The following GLIS3 variants were observed in gnomAD, a reference collection of about 807,000 sequenced individuals.
GLIS3 encodes the protein zinc finger protein GLIS3.
GLIS3 carries 53 observed loss-of-function variants against 78.6 expected under a neutral mutation model. The observed-to-expected ratio is 0.67, with a 90% CI of 0.54 to 0.85. The LOEUF (loss-of-function observed/expected upper bound fraction) is 0.85. Among genes scored for constraint, GLIS3 ranks in the 40% least tolerant of loss-of-function variants. The pLI, the probability that GLIS3 is intolerant of heterozygous loss-of-function variation, is 0.00. For missense variants in GLIS3, 1,703 were observed against 1,231.1 expected (o/e 1.38, Z -5.74); for synonymous variants, 684 against 509.9 (o/e 1.34, Z -4.60).
At chr9:4,292,189 G>A (rs924988727) in intron 1 of GLIS3, among the ~76,000 whole-genome samples, 3 of 152,132 alleles carry the variant, frequency 2.0e-5, no homozygotes, top group African/African-American at 7.2e-5. Flanking sequence ...AAACTGGATT[G>A]CAATTCATTG....
intron 8 of GLIS3, among the ~76,000 whole-genome samples, chr9:3,874,196 G>A (rs1821151240): frequency 6.6e-6 from 1 of 152,328 alleles, no homozygotes; most frequent in Non-Finnish European, 1.5e-5. Flanking sequence ...AAACTCTGAG[G>A]GAAGAGGGGC....
the GLIS3 span, among the ~76,000 whole-genome samples, chr9:4,477,717 G>C: frequency 6.6e-6 from 1 of 152,046 alleles, no homozygotes; most frequent in African/African-American, 2.4e-5. Flanking sequence ...CCTGGCTAGA[G>C]GTTAGTGTTT....
At chr9:4,368,717 C>T in the GLIS3 span, among the ~76,000 whole-genome samples, 2 of 152,182 alleles carry the variant, frequency 1.3e-5, no homozygotes, top group Non-Finnish European at 1.5e-5. Context: ...GACGAAGCCA[C>T]TTCGTGCCTC....
At chr9:4,376,415 C>G in the GLIS3 span, among the ~76,000 whole-genome samples, 1 of 137,464 alleles carries the variant, frequency 7.3e-6, no homozygotes, top group Non-Finnish European at 1.7e-5. Context: ...AAAGTAGAAT[C>G]TATATGCTCT....
At chr9:3,858,376 C>T (rs1819926271) in intron 8 of GLIS3, among the ~76,000 whole-genome samples, 2 of 151,992 alleles carry the variant, frequency 1.3e-5, no homozygotes, top group Admixed American at 6.6e-5. Flanking sequence ...CAAACCAGGG[C>T]CATGCTCTCT....
At chr9:4,076,604 A>C (rs554488914) in intron 4 of GLIS3, among the ~76,000 whole-genome samples, 3 of 152,326 alleles carry the variant, frequency 2.0e-5, no homozygotes, top group Admixed American at 2.0e-4. Flanking sequence ...CAAAATAGCC[A>C]CCAACCATAT....
intron 4 of GLIS3, among the ~76,000 whole-genome samples, chr9:3,997,356 G>A (rs546228099): frequency 2.0e-5 from 3 of 150,534 alleles, no homozygotes; most frequent in African/African-American, 4.9e-5. Flanking sequence ...TCCGTCTCAA[G>A]AAAACAATAA....
intron 2 of GLIS3, chr9:4,152,106 A>G: frequency 3.1e-6 from 3 of 980,762 alleles, no homozygotes; most frequent in Non-Finnish European, 3.6e-6. Flanking sequence ...TTCTACGGCC[A>G]TTCAAACCTC....
chr9:4,234,589 A>G (rs550204982), intron 2 of GLIS3, among the ~76,000 whole-genome samples: 2 of 152,344 alleles, frequency 1.3e-5, no homozygotes, highest in African/African-American at 4.8e-5. Flanking sequence ...ATAACAACGG[A>G]AAAGTTTGAA....
At chr9:4,392,550 T>A in the GLIS3 span, among the ~76,000 whole-genome samples, 1 of 152,202 alleles carries the variant, frequency 6.6e-6, no homozygotes, top group African/African-American at 2.4e-5. Flanking sequence ...CCTTTCACTA[T>A]GGCCCCAAAC....
chr9:3,891,301 C>T (rs931255475), intron 7 of GLIS3, among the ~76,000 whole-genome samples: 4 of 152,072 alleles, frequency 2.6e-5, no homozygotes, highest in African/African-American at 9.7e-5. Flanking sequence ...GAGGAAAATT[C>T]GGGTTACAGG....
At chr9:4,149,664 T>C (rs1375153984) in intron 2 of GLIS3, among the ~76,000 whole-genome samples, 1 of 152,238 alleles carries the variant, frequency 6.6e-6, no homozygotes, top group Non-Finnish European at 1.5e-5. Flanking sequence ...AAGTGTCTAT[T>C]ACATAACCCC....
At chr9:4,147,745 G>C (rs1298214291) in intron 2 of GLIS3, 1 of 151,980 alleles carries the variant, frequency 6.6e-6, no homozygotes, top group Admixed American at 6.5e-5. Flanking sequence ...AACTTGCCTG[G>C]GTCAGAGCAG....
chr9:4,490,235 A>T, the GLIS3 span, among the ~76,000 whole-genome samples: 2 of 152,240 alleles, frequency 1.3e-5, no homozygotes, highest in African/African-American at 2.4e-5. Flanking sequence ...GTGGAAAGCG[A>T]GACAGACTCC....
chr9:4,482,817 A>C, the GLIS3 span, among the ~76,000 whole-genome samples: 17 of 152,212 alleles, frequency 1.1e-4, no homozygotes, highest in Admixed American at 1.1e-3. Context: ...CAAAGGAAAT[A>C]CCAGAATCAC....
At chr9:4,322,127 T>C (rs927811448) in intron 2 of GLIS3, among the ~76,000 whole-genome samples, 1 of 151,920 alleles carries the variant, frequency 6.6e-6, no homozygotes. Context: ...GAACATGCGG[T>C]GTTTGGTTTT....
At chr9:4,075,563 G>A (rs1326245166) in intron 4 of GLIS3, among the ~76,000 whole-genome samples, 1 of 152,142 alleles carries the variant, frequency 6.6e-6, no homozygotes, top group Non-Finnish European at 1.5e-5. Flanking sequence ...ATGACAGAGC[G>A]AGACTCCGTC....
chr9:4,413,727 A>C, the GLIS3 span, among the ~76,000 whole-genome samples: 29 of 152,094 alleles, frequency 1.9e-4, no homozygotes, highest in Non-Finnish European at 1.3e-4. Flanking sequence ...TTTGAGACCC[A>C]TGTTCCCTAA....
chr9:3,832,727 A>T (rs1420648529), intron 9 of GLIS3, among the ~76,000 whole-genome samples: 1 of 152,224 alleles, frequency 6.6e-6, no homozygotes, highest in Non-Finnish European at 1.5e-5. Flanking sequence ...TCTCCTGAGC[A>T]AAATAGACAA....
Sources: allele counts gnomAD v4.1 joint callset (sites outside exome capture counted in the v4.1 genomes callset), GRCh38; gene constraint gnomAD v4.1.1; transcripts MANE v1.5; gene names NCBI Gene and HGNC (gene_info 2026-07-23, HGNC 2026-07-21).